The following INSR variants were observed in gnomAD, a reference collection of about 807,000 sequenced individuals.
INSR encodes IR.
In INSR, 67 loss-of-function variants were observed where a neutral mutation model predicts 142.6. That is an observed-to-expected ratio of 0.47 (90% CI 0.39 to 0.58). The LOEUF (loss-of-function observed/expected upper bound fraction) is 0.58, where lower values mean the gene tolerates loss of function less well. Among genes scored for constraint, INSR ranks in the 20% least tolerant of loss-of-function variants. The probability of loss-of-function intolerance (pLI) is 0.00; values close to 1 mark genes in which losing one functional copy is unlikely to be tolerated. For missense variants in INSR, 1,248 were observed against 1,833.2 expected (o/e 0.68, Z 5.83); for synonymous variants, 756 against 743.1 (o/e 1.02, Z -0.28).
chr19:7,130,461 G>C (rs1261446312), intron 14 of INSR, among the ~76,000 whole-genome samples: 1 of 152,224 alleles, frequency 6.6e-6, no homozygotes, highest in African/African-American at 2.4e-5. Context: ...CCCAATGTTG[G>C]AGGAGTGGCC....
chr19:7,172,666 C>T (rs1974045608), intron 4 of INSR, among the ~76,000 whole-genome samples: 1 of 152,074 alleles, frequency 6.6e-6, no homozygotes, highest in South Asian at 2.1e-4. Flanking sequence ...AATATTATTC[C>T]ACCATATATC....
At chr19:7,269,023 AACACACCC>A (rs1555690117) in intron 1 of INSR, among the ~76,000 whole-genome samples, 1 of 106,026 alleles carries the variant, frequency 9.4e-6, no homozygotes, top group African/African-American at 4.2e-5. Context: ...TCTCTCTGCC[AACACACCC>A]ACACACCCAC....
At position 7,184,554 on chromosome 19, in the gene INSR, G is replaced by A; in HGVS notation, c.736C>T (p.Pro246Ser). The change falls in exon 3 of 22, where the codon CCC (proline) becomes TCC (serine). Residue 246 changes from proline (P) to serine (S), a missense_variant. By Grantham distance (74) the Pro-to-Ser change is moderately conservative. Around this residue, in one of 3 missense-constraint regions of INSR, gnomAD observed 1,069 missense variants for 1,654.0 expected, o/e 0.65. Coordinates refer to ENST00000302850, the MANE Select transcript of INSR (RefSeq NM_000208.4). ...HSECLGNCSQ[P>S]DDPTKCVACR... ...GCCACGCACTTGGTGGGGTCGTCGG[G>A]CTGAGAACAGTTGCCCAGGCACTCG... The A allele has an allele frequency of 6.2e-7, 1 of 1,613,742 alleles. No homozygotes were observed.
In INSR at chr19:7,132,448, A is replaced by G. The variant is rs1972809722; in HGVS notation, c.2683-131T>C. 3.1e-6 allele frequency: 3 copies of G among 961,378 alleles called. No homozygotes were observed. In the African/African-American group the frequency reaches 4.9e-5, roughly 16 times the overall value. The allele number at this position is 961,378 out of a possible 1,614,324, so 59.6% of individuals were successfully genotyped here. On this transcript the variant is annotated intron_variant, in intron 13 of 21. Transcript: ENST00000302850. ...CCAAGGCAGCAAAGCACAGACTAAGACACATAAGCGACTTTGAGAATTGCA... is the reference window on the plus strand; with the variant it reads ...CCAAGGCAGCAAAGCACAGACTAAGGCACATAAGCGACTTTGAGAATTGCA...
At chr19:7,161,268 T>A (rs913120377) in intron 9 of INSR, among the ~76,000 whole-genome samples, 8 of 151,424 alleles carry the variant, frequency 5.3e-5, no homozygotes, top group South Asian at 2.1e-4. Flanking sequence ...TAATTTTTTT[T>A]ATATATATAG....
intron 1 of INSR, among the ~76,000 whole-genome samples, chr19:7,274,617 T>C (rs771244850): frequency 6.6e-6 from 1 of 151,264 alleles, no homozygotes; most frequent in African/African-American, 2.4e-5. Flanking sequence ...TGGCTAACCA[T>C]GTGAAACCCC....
At chr19:7,163,518 C>A (rs1056382598) in intron 8 of INSR, among the ~76,000 whole-genome samples, 6 of 151,768 alleles carry the variant, frequency 4.0e-5, no homozygotes, top group African/African-American at 1.2e-4. Context: ...CGAGATTGCG[C>A]CACTGCACTC....
At chr19:7,124,282 T>C (rs537448203) in intron 17 of INSR, among the ~76,000 whole-genome samples, 1 of 150,472 alleles carries the variant, frequency 6.6e-6, no homozygotes, top group South Asian at 2.1e-4. Context: ...GGCAGGATAA[T>C]TGCTTGAATC....
At chr19:7,283,583 G>A (rs1427880607) in intron 1 of INSR, among the ~76,000 whole-genome samples, 1 of 152,140 alleles carries the variant, frequency 6.6e-6, no homozygotes, top group Non-Finnish European at 1.5e-5. Flanking sequence ...GGGACTACAG[G>A]CATGAGCCAC....
intron 3 of INSR, among the ~76,000 whole-genome samples, chr19:7,178,400 G>A (rs1385213534): frequency 6.6e-6 from 1 of 151,926 alleles, no homozygotes; most frequent in African/African-American, 2.4e-5. Flanking sequence ...AATCAATCAC[G>A]CCTAAGGAAT....
intron 2 of INSR, among the ~76,000 whole-genome samples, chr19:7,221,905 C>G (rs1303523417): frequency 6.6e-6 from 1 of 151,782 alleles, no homozygotes. Flanking sequence ...GGATCAAGTA[C>G]AATTATACAG....
intron 8 of INSR, among the ~76,000 whole-genome samples, chr19:7,163,530 A>G (rs1282849332): frequency 6.6e-6 from 1 of 151,878 alleles, no homozygotes; most frequent in Non-Finnish European, 1.5e-5. Flanking sequence ...ACTGCACTCC[A>G]GCCTGGGTGA....
At chr19:7,215,700 T>G (rs2145085625) in intron 2 of INSR, among the ~76,000 whole-genome samples, 1 of 152,100 alleles carries the variant, frequency 6.6e-6, no homozygotes, top group African/African-American at 2.4e-5. Context: ...CCCGAGTAGC[T>G]TGAATTACAG....
intron 2 of INSR, among the ~76,000 whole-genome samples, chr19:7,217,108 C>T (rs1975460153): frequency 6.6e-6 from 1 of 151,682 alleles, no homozygotes; most frequent in Admixed American, 6.6e-5. Flanking sequence ...ACTGGCATTA[C>T]AGGCATGAAC....
rs954797790 is a variant in INSR, at chr19:7,119,335, G to A, written c.3794+114C>T. ...AACACAAACACACCTGTAACATACAGCATGCAAACACGGTGAGCGTGTAGA... is the reference window on the plus strand; with the variant it reads ...AACACAAACACACCTGTAACATACAACATGCAAACACGGTGAGCGTGTAGA... On this transcript the variant is annotated intron_variant, in intron 21 of 21. Coordinates refer to ENST00000302850, the MANE Select transcript of INSR (RefSeq NM_000208.4). The surrounding 1 kb of genome is among the most constrained non-coding windows in gnomAD (Gnocchi z 5.2). 13 of 1,193,682 alleles carry A rather than the reference G, an allele frequency of 1.1e-5. No individual in the cohort carries two copies. The highest frequency in any genetic ancestry group is 1.7e-5 in the Admixed American group (1 of 59,196). The allele number at this position is 1,193,682 out of a possible 1,614,324, so 73.9% of individuals were successfully genotyped here.
At chr19:7,270,339 T>TCTCACACACACACACACACA (rs1414011806) in intron 1 of INSR, among the ~76,000 whole-genome samples, 5 of 120,246 alleles carry the variant, frequency 4.2e-5, no homozygotes, top group African/African-American at 1.7e-4. Flanking sequence ...TCTCTCTCTC[T>TCTCACACACACACACACACA]CACACACACA....
At chr19:7,145,806 G>A (rs1973171372) in intron 11 of INSR, among the ~76,000 whole-genome samples, 1 of 152,142 alleles carries the variant, frequency 6.6e-6, no homozygotes, top group Non-Finnish European at 1.5e-5. Flanking sequence ...TCTGTTTCTT[G>A]TCTTATTACA....
chr19:7,259,689 C>A (rs533674821), intron 2 of INSR, among the ~76,000 whole-genome samples: 1 of 151,884 alleles, frequency 6.6e-6, no homozygotes, highest in Non-Finnish European at 1.5e-5. Flanking sequence ...CATGGTGGCA[C>A]GTGCCTGTAA....
chr19:7,163,890 T>A (rs2144931958), intron 8 of INSR, among the ~76,000 whole-genome samples: 1 of 120,674 alleles, frequency 8.3e-6, no homozygotes, highest in South Asian at 2.8e-4. Flanking sequence ...AGTTCGAGAC[T>A]ACACCTGGCC....
Sources: allele counts gnomAD v4.1 joint callset (sites outside exome capture counted in the v4.1 genomes callset), GRCh38; gene constraint gnomAD v4.1.1; regional missense constraint gnomAD v4.1.1; non-coding constraint Gnocchi (gnomAD v3.1); transcripts MANE v1.5; gene names NCBI Gene and HGNC (gene_info 2026-07-23, HGNC 2026-07-21).